CHLSN: variants seen among roughly 807,000 people sequenced by gnomAD.
The protein encoded by CHLSN is cholesin, also known as protein cholesin.
At chr7:1,122,425 G>A in the CHLSN span, among the ~76,000 whole-genome samples, 737 of 152,326 alleles carry the variant, frequency 4.8e-3, 9 homozygotes, top group African/African-American at 0.017. Flanking sequence ...CCACTCGGCT[G>A]GCTCTGCATG....
At chr7:1,083,197 G>A in the CHLSN span, among the ~76,000 whole-genome samples, 2 of 152,264 alleles carry the variant, frequency 1.3e-5, no homozygotes, top group African/African-American at 2.4e-5. Flanking sequence ...CCTGCTGGGA[G>A]ACCCGCAAAA....
At chr7:1,011,201 CACAGACACGG>C in the CHLSN span, among the ~76,000 whole-genome samples, 2 of 136,758 alleles carry the variant, frequency 1.5e-5, no homozygotes, top group African/African-American at 2.8e-5. Context: ...CACCCACACC[CACAGACACGG>C]ACACATACCC....
the CHLSN span, among the ~76,000 whole-genome samples, chr7:998,797 C>A: frequency 2.0e-3 from 303 of 152,312 alleles, 2 homozygotes; most frequent in African/African-American, 6.9e-3. Context: ...TCCTTTGTCG[C>A]TTGTGCTTCT....
At chr7:1,021,990 G>A in the CHLSN span, among the ~76,000 whole-genome samples, 12 of 152,176 alleles carry the variant, frequency 7.9e-5, no homozygotes, top group African/African-American at 7.2e-5. Flanking sequence ...CAAGTCCCTC[G>A]GCACACCCAG....
chr7:1,136,601 T>TAAAC, the CHLSN span, among the ~76,000 whole-genome samples: 19 of 139,464 alleles, frequency 1.4e-4, no homozygotes, highest in South Asian at 4.3e-4. Context: ...TATAAACATA[T>TAAAC]ATAAATATAT....
the CHLSN span, among the ~76,000 whole-genome samples, chr7:1,094,247 G>A: frequency 3.0e-3 from 459 of 152,222 alleles, 1 homozygote; most frequent in African/African-American, 0.01. Flanking sequence ...CTCCTTTCCC[G>A]CCTCACCCAC....
At chr7:1,085,369 G>A in the CHLSN span, among the ~76,000 whole-genome samples, 10 of 152,312 alleles carry the variant, frequency 6.6e-5, no homozygotes, top group Non-Finnish European at 1.3e-4. Flanking sequence ...TGTACAGGCC[G>A]AGACCATGTG....
At chr7:1,078,484 G>A in the CHLSN span, among the ~76,000 whole-genome samples, 2 of 152,174 alleles carry the variant, frequency 1.3e-5, no homozygotes, top group Admixed American at 1.3e-4. Context: ...CCCCAGCCAG[G>A]CTCTGCACAA....
the CHLSN span, chr7:1,092,710 G>C: frequency 1.2e-6 from 2 of 1,613,472 alleles, no homozygotes; most frequent in Non-Finnish European, 1.7e-6. Context: ...CAGCTTTCTC[G>C]GGGAGACCTT....
chr7:1,103,724 G>A, the CHLSN span, among the ~76,000 whole-genome samples: 1 of 152,240 alleles, frequency 6.6e-6, no homozygotes, highest in Non-Finnish European at 1.5e-5. Flanking sequence ...GCACAGGAGA[G>A]GGCTGTGCTC....
At chr7:1,023,666 CA>C in the CHLSN span, among the ~76,000 whole-genome samples, 74 of 106,510 alleles carry the variant, frequency 6.9e-4, no homozygotes, top group African/African-American at 2.0e-3. This position sits in a 1 kb window ranked among gnomAD's most constrained non-coding sequence, Gnocchi z 5.0. Flanking sequence ...CACACACACA[CA>C]CACACACACA....
the CHLSN span, among the ~76,000 whole-genome samples, chr7:1,085,678 TA>T: frequency 0.084 from 10,803 of 129,084 alleles, 428 homozygotes; most frequent in African/African-American, 0.096. Context: ...ACAAAAAAAT[TA>T]AAAAAAAAAA....
the CHLSN span, among the ~76,000 whole-genome samples, chr7:1,031,398 GCA>G: frequency 7.3e-6 from 1 of 136,710 alleles, no homozygotes; most frequent in Non-Finnish European, 1.6e-5. Flanking sequence ...GTCCGGGGGG[GCA>G]GAGACCTGCA....
the CHLSN span, among the ~76,000 whole-genome samples, chr7:1,020,748 C>T: frequency 2.0e-3 from 311 of 152,358 alleles, 1 homozygote; most frequent in African/African-American, 7.3e-3. Flanking sequence ...CCATCACTGC[C>T]GTCTGCTGAC....
chr7:988,575 C>T, the CHLSN span: 1 of 1,597,282 alleles, frequency 6.3e-7, no homozygotes, highest in South Asian at 1.1e-5. Flanking sequence ...GAGGTCCCCA[C>T]CCCTCCCCTC....
At chr7:1,016,251 G>A in the CHLSN span, among the ~76,000 whole-genome samples, 13 of 29,624 alleles carry the variant, frequency 4.4e-4, no homozygotes, top group Admixed American at 1.5e-3. Context: ...ACACAGCAGC[G>A]CACGCCAGCA....
At chr7:984,177 A>G in the CHLSN span, among the ~76,000 whole-genome samples, 1 of 152,208 alleles carries the variant, frequency 6.6e-6, no homozygotes, top group Non-Finnish European at 1.5e-5. Context: ...CTAAAAAGAA[A>G]ATCCCACAAC....
chr7:1,046,977 G>A, the CHLSN span, among the ~76,000 whole-genome samples: 1 of 152,264 alleles, frequency 6.6e-6, no homozygotes, highest in East Asian at 1.9e-4. Context: ...AGGAGCCCCG[G>A]CAGGTGCCAA....
At chr7:991,135 G>A in the CHLSN span, among the ~76,000 whole-genome samples, 1 of 152,068 alleles carries the variant, frequency 6.6e-6, no homozygotes, top group Non-Finnish European at 1.5e-5. Context: ...GGGAGGAAAC[G>A]CTGACCCTGT....
Sources: gnomAD v4.1 joint callset for allele counts (sites outside exome capture counted in the v4.1 genomes callset) on GRCh38, gnomAD v4.1.1 for gene constraint, Gnocchi (gnomAD v3.1) non-coding constraint, MANE v1.5 for transcripts, NCBI Gene and HGNC (gene_info 2026-07-23, HGNC 2026-07-21) for gene names.